GDAP1: variants seen among roughly 807,000 people sequenced by gnomAD.
The protein encoded by GDAP1 is ganglioside induced differentiation associated protein 1.
Under a neutral mutation model 40.1 loss-of-function variants are expected in GDAP1, and 34 were observed. The observed-to-expected ratio is 0.85, with a 90% CI of 0.64 to 1.13. The LOEUF (loss-of-function observed/expected upper bound fraction) is 1.13. Among genes scored for constraint, GDAP1 ranks in the 50% most tolerant of loss-of-function variants. GDAP1 has a pLI of 0.00. For synonymous variants in GDAP1, 170 were observed against 157.4 expected (o/e 1.08, Z -0.60); for missense variants, 374 against 433.7 (o/e 0.86, Z 1.22).
At chr8:74,426,998 C>T (rs756693419) in intron 2 of GDAP1, among the ~76,000 whole-genome samples, 6 of 152,106 alleles carry the variant, frequency 3.9e-5, no homozygotes, top group Non-Finnish European at 7.4e-5. Flanking sequence ...TCTTTGCATC[C>T]GTACCTGTGT....
chr8:74,446,778 C>T (rs957283595), intron 2 of GDAP1, among the ~76,000 whole-genome samples: 1 of 151,994 alleles, frequency 6.6e-6, no homozygotes, highest in Non-Finnish European at 1.5e-5. Context: ...AATTTGAGGG[C>T]ATTATGCTAA....
rs1388192713 is a variant in GDAP1, at chr8:74,452,405, C to T, written c.166-36273C>T. On this transcript the variant is annotated intron_variant, in intron 2 of 2. Transcript: ENST00000523640. ...TCTTCAATGCATGGATTTCTAATTA[C>T]ACATAAATTGGGCCATTTGATATTT... Among the ~76,000 whole-genome samples the T allele has an allele frequency of 1.8e-4, 15 of 83,130 alleles. 6 individuals carry two copies. Among genetic ancestry groups the T allele is most frequent in the Non-Finnish European group, 3.6e-4 (15 of 41,144 alleles). 54.5% of individuals were successfully genotyped at this position (83,130 alleles called of 152,430 possible).
chr8:74,368,109 T>G (rs2131529269), downstream of GDAP1, among the ~76,000 whole-genome samples: 1 of 152,334 alleles, frequency 6.6e-6, no homozygotes, highest in African/African-American at 2.4e-5. Context: ...ATTCCTTAAT[T>G]ACAAAGTGCT....
At chr8:74,402,851 G>A (rs1810371633) in intron 2 of GDAP1, among the ~76,000 whole-genome samples, 1 of 150,142 alleles carries the variant, frequency 6.7e-6, no homozygotes, top group Non-Finnish European at 1.5e-5. Context: ...AAAATTATTT[G>A]TCAAGATATA....
intron 2 of GDAP1, among the ~76,000 whole-genome samples, chr8:74,427,568 T>C (rs1007468086): frequency 2.0e-5 from 3 of 152,212 alleles, no homozygotes. Context: ...CAGACAATCT[T>C]TGATACTCTT....
chr8:74,395,684 G>A (rs558051837), intron 2 of GDAP1, among the ~76,000 whole-genome samples: 5 of 152,256 alleles, frequency 3.3e-5, no homozygotes, highest in African/African-American at 2.4e-5. Context: ...TCTAACATGG[G>A]AGTGGATTTA....
intron 2 of GDAP1, among the ~76,000 whole-genome samples, chr8:74,393,935 C>CT (rs1243368298): frequency 1.3e-5 from 2 of 152,220 alleles, no homozygotes; most frequent in African/African-American, 2.4e-5. Context: ...GTTTTATACC[C>CT]TTTTTTCCCC....
At chr8:74,376,532 G>A (rs141595062) in intron 2 of GDAP1, among the ~76,000 whole-genome samples, 3,693 of 152,092 alleles carry the variant, frequency 0.024, 155 homozygotes, top group African/African-American at 0.085. Flanking sequence ...GTATTTTTTA[G>A]TAGAGACAGG....
At chr8:74,459,954 G>A (rs1288332321) in intron 2 of GDAP1, among the ~76,000 whole-genome samples, 2 of 152,172 alleles carry the variant, frequency 1.3e-5, no homozygotes. Context: ...AATGCAATAT[G>A]TGCAGGAGCT....
rs1809496401 is a variant in GDAP1, at chr8:74,363,985, A to T, written c.695A>T (p.Glu232Val). Residue 232 changes from glutamate (E) to valine (V), a missense_variant and splice_region_variant, in exon 6 of 6, where the codon GAA (glutamate) becomes GTA (valine). Transcript: ENST00000220822. ...TCTCTATGTCCCTTTCTCTAATTAG[A>T]AGAGGGCCAGCAACCTTGGCTCTGC... ...ELQRRNEETP[E>V]EGQQPWLCGE... 1 of 1,613,746 alleles carries T rather than the reference A, an allele frequency of 6.2e-7. No individual in the cohort carries two copies. The highest frequency in any genetic ancestry group is 8.5e-7 in the Non-Finnish European group (1 of 1,179,720).
chr8:74,382,246 T>C (rs1809965414), intron 2 of GDAP1, among the ~76,000 whole-genome samples: 1 of 152,152 alleles, frequency 6.6e-6, no homozygotes, highest in African/African-American at 2.4e-5. Flanking sequence ...GCTTCCTTGA[T>C]TTCTGGTATG....
intron 2 of GDAP1, among the ~76,000 whole-genome samples, chr8:74,426,366 A>G (rs924223697): frequency 1.3e-5 from 2 of 152,216 alleles, no homozygotes; most frequent in Non-Finnish European, 2.9e-5. Context: ...AAGGTTGAGT[A>G]TTTTGGATTT....
intron 2 of GDAP1, among the ~76,000 whole-genome samples, chr8:74,487,448 T>C (rs1269971245): frequency 6.6e-6 from 1 of 152,202 alleles, no homozygotes; most frequent in Non-Finnish European, 1.5e-5. Context: ...TTGTCCAAGC[T>C]GGCAAATGTG....
intron 2 of GDAP1, among the ~76,000 whole-genome samples, chr8:74,379,296 C>T (rs900010022): frequency 2.3e-4 from 35 of 152,052 alleles, no homozygotes; most frequent in African/African-American, 7.7e-4. Flanking sequence ...AAAAGTGTCC[C>T]GCAACGCTGC....
At chr8:74,384,894 A>G (rs1353288945) in intron 2 of GDAP1, among the ~76,000 whole-genome samples, 1 of 152,182 alleles carries the variant, frequency 6.6e-6, no homozygotes, top group Non-Finnish European at 1.5e-5. Context: ...CTGACTTTAC[A>G]TGTTGAAATT....
At chr8:74,416,620 C>T (rs766184281) in intron 2 of GDAP1, among the ~76,000 whole-genome samples, 1 of 150,150 alleles carries the variant, frequency 6.7e-6, no homozygotes, top group African/African-American at 2.5e-5. Flanking sequence ...ACATCAGTCT[C>T]CTGCCACCCC....
intron 2 of GDAP1, among the ~76,000 whole-genome samples, chr8:74,473,830 TG>T (rs1806592593): frequency 6.6e-6 from 1 of 152,126 alleles, no homozygotes; most frequent in East Asian, 1.9e-4. Context: ...GTTTTTTTCC[TG>T]GTTCTGTGAA....
intron 2 of GDAP1, among the ~76,000 whole-genome samples, chr8:74,447,545 C>T (rs913967701): frequency 9.2e-5 from 14 of 152,198 alleles, no homozygotes; most frequent in Middle Eastern, 3.4e-3. Context: ...CATAGGCACA[C>T]AACACACAGT....
intron 2 of GDAP1, among the ~76,000 whole-genome samples, chr8:74,415,956 G>T (rs1334204632): frequency 2.0e-5 from 3 of 149,750 alleles, no homozygotes; most frequent in Non-Finnish European, 4.4e-5. Context: ...AGAACCAAGG[G>T]GTCATGGACT....
Sources: allele counts gnomAD v4.1 joint callset (sites outside exome capture counted in the v4.1 genomes callset), GRCh38; gene constraint gnomAD v4.1.1; transcripts MANE v1.5; gene names NCBI Gene and HGNC (gene_info 2026-07-23, HGNC 2026-07-21).